PPP2R2B: variants seen among roughly 807,000 people sequenced by gnomAD.
PPP2R2B encodes the protein protein phosphatase 2 regulatory subunit Bbeta.
Under a neutral mutation model 46.0 loss-of-function variants are expected in PPP2R2B, and 5 were observed. That is an observed-to-expected ratio of 0.11 (90% CI 0.06 to 0.23). PPP2R2B has a LOEUF of 0.23. PPP2R2B is among the 10% of genes least tolerant of loss of function. PPP2R2B has a pLI of 1.00. For missense variants in PPP2R2B, 367 were observed against 575.0 expected (o/e 0.64, Z 3.70); for synonymous variants, 215 against 206.7 (o/e 1.04, Z -0.34).
At chr5:146,706,777 G>T in intron 2 of PPP2R2B, 1 of 813,912 alleles carries the variant, frequency 1.2e-6, no homozygotes. Context: ...TCTGATACAT[G>T]CTCTCGGCCT....
chr5:146,770,003 A>C (rs113436582), intron 2 of PPP2R2B, among the ~76,000 whole-genome samples: 30 of 152,068 alleles, frequency 2.0e-4, no homozygotes, highest in African/African-American at 6.7e-4. Flanking sequence ...TTATACTAGC[A>C]AAAAAAATCA....
At chr5:146,810,715 C>G (rs1242396862) in intron 2 of PPP2R2B, among the ~76,000 whole-genome samples, 1 of 150,068 alleles carries the variant, frequency 6.7e-6, no homozygotes, top group Non-Finnish European at 1.5e-5. Context: ...CTTTTTTTTT[C>G]TTTTTAATAT....
intron 1 of PPP2R2B, among the ~76,000 whole-genome samples, chr5:146,987,377 G>A (rs2170121): frequency 0.81 from 123,678 of 152,074 alleles, 50,769 homozygotes; most frequent in African/African-American, 0.91. Context: ...TATCTTTAGT[G>A]TAAGTACCAA....
At chr5:146,829,629 C>CCATA (rs1451644458) in intron 2 of PPP2R2B, among the ~76,000 whole-genome samples, 1 of 152,082 alleles carries the variant, frequency 6.6e-6, no homozygotes, top group Admixed American at 6.6e-5. Flanking sequence ...CATAGAGACA[C>CCATA]CATATAAAGA....
intron 2 of PPP2R2B, among the ~76,000 whole-genome samples, chr5:146,776,830 G>A (rs1031428073): frequency 1.3e-5 from 2 of 151,798 alleles, no homozygotes; most frequent in Non-Finnish European, 2.9e-5. Context: ...ATAAAAAATG[G>A]GCAAAGGAAT....
At chr5:147,049,116 G>GTGTGTGAGTT (rs1756676696) in intron 1 of PPP2R2B, among the ~76,000 whole-genome samples, 2 of 151,136 alleles carry the variant, frequency 1.3e-5, no homozygotes, top group Admixed American at 1.3e-4. Flanking sequence ...GTGTGTGTGT[G>GTGTGTGAGTT]TGTGTGTGAG....
At chr5:146,834,548 TC>T (rs1400940853) in intron 2 of PPP2R2B, among the ~76,000 whole-genome samples, 1 of 152,226 alleles carries the variant, frequency 6.6e-6, no homozygotes, top group Non-Finnish European at 1.5e-5. Flanking sequence ...TGATTGGTGC[TC>T]TGAGTGATAA....
chr5:146,808,854 C>T (rs572382271), intron 2 of PPP2R2B, among the ~76,000 whole-genome samples: 16 of 152,288 alleles, frequency 1.1e-4, no homozygotes, highest in Middle Eastern at 3.4e-3. Flanking sequence ...TTGCAATCAA[C>T]ATTTATCTCT....
chr5:146,847,659 A>G (rs1443235273), intron 2 of PPP2R2B, among the ~76,000 whole-genome samples: 2 of 152,162 alleles, frequency 1.3e-5, no homozygotes, highest in Admixed American at 1.3e-4. Context: ...CTGCCACTGA[A>G]TCCTCACCAC....
chr5:147,049,367 C>T (rs1034023624), intron 1 of PPP2R2B, among the ~76,000 whole-genome samples: 4 of 152,070 alleles, frequency 2.6e-5, no homozygotes, highest in Middle Eastern at 3.4e-3. Context: ...GAATACTGCA[C>T]AAACAGGGCT....
chr5:146,681,792 C>T (rs1326254573), intron 5 of PPP2R2B, among the ~76,000 whole-genome samples: 4 of 152,174 alleles, frequency 2.6e-5, no homozygotes, highest in African/African-American at 4.8e-5. Context: ...GAAATTCAGA[C>T]CATTTAACAA....
chr5:146,607,416 C>G (rs1016697854), intron 7 of PPP2R2B, among the ~76,000 whole-genome samples: 10 of 152,136 alleles, frequency 6.6e-5, no homozygotes, highest in Non-Finnish European at 1.3e-4. Context: ...ATAATGAAAC[C>G]AAGTTGCTTA....
intron 2 of PPP2R2B, among the ~76,000 whole-genome samples, chr5:146,787,816 C>T (rs569870191): frequency 1.4e-4 from 21 of 152,310 alleles, no homozygotes; most frequent in African/African-American, 3.6e-4. Context: ...GATCCACCCA[C>T]CTCGGACTCC....
In PPP2R2B at chr5:146,697,861, T is replaced by C. The variant is rs550547555; in HGVS notation, c.334+118A>G. ...CACTCTGCTAAGCATCTTGCAAATG[T>C]TATTTCTAAGTTTTTCAACAGCCCA... On this transcript the variant is annotated intron_variant, in intron 4 of 9. Transcript: ENST00000394411. 2.5e-5 allele frequency: 25 copies of C among 999,902 alleles called. No homozygotes were observed. In the South Asian group the frequency reaches 3.4e-4, roughly 14 times the overall value. 61.9% of individuals were successfully genotyped at this position (999,902 alleles called of 1,614,324 possible).
chr5:147,011,584 G>C (rs1027688548), intron 1 of PPP2R2B, among the ~76,000 whole-genome samples: 1 of 151,526 alleles, frequency 6.6e-6, no homozygotes, highest in South Asian at 2.1e-4. Flanking sequence ...TCTCCTGCCT[G>C]ATTGCCCTGG....
chr5:146,913,779 C>A (rs1763277740), intron 1 of PPP2R2B, among the ~76,000 whole-genome samples: 1 of 152,168 alleles, frequency 6.6e-6, no homozygotes, highest in Non-Finnish European at 1.5e-5. Context: ...AAAAGCTAAA[C>A]TCTTAAATCC....
intron 2 of PPP2R2B, among the ~76,000 whole-genome samples, chr5:146,820,100 G>A (rs895033940): frequency 2.6e-5 from 4 of 152,194 alleles, no homozygotes; most frequent in Non-Finnish European, 5.9e-5. Flanking sequence ...TACAAAGCCA[G>A]TTAGATGGGA....
chr5:146,947,420 T>C (rs2151833113), intron 1 of PPP2R2B, among the ~76,000 whole-genome samples: 1 of 152,278 alleles, frequency 6.6e-6, no homozygotes, highest in Non-Finnish European at 1.5e-5. Context: ...ATCTGGTCAA[T>C]GAAATTCATT....
At chr5:146,655,227 AT>A (rs1457554658) in intron 5 of PPP2R2B, among the ~76,000 whole-genome samples, 1 of 152,200 alleles carries the variant, frequency 6.6e-6, no homozygotes, top group African/African-American at 2.4e-5. Context: ...ACCCAGTATT[AT>A]ATTAGAATAT....
Sources: gnomAD v4.1 joint callset for allele counts (sites outside exome capture counted in the v4.1 genomes callset) on GRCh38, gnomAD v4.1.1 for gene constraint, MANE v1.5 for transcripts, NCBI Gene and HGNC (gene_info 2026-07-23, HGNC 2026-07-21) for gene names.